Variants in GDNF observed in about 807,000 individuals in gnomAD.
The protein encoded by GDNF is glial cell derived neurotrophic factor.
GDNF carries 5 observed loss-of-function variants against 13.7 expected under a neutral mutation model. The observed-to-expected ratio is 0.36, with a 90% CI of 0.19 to 0.77. The LOEUF is 0.77. Among genes scored for constraint, GDNF ranks in the 30% least tolerant of loss-of-function variants. The pLI, the probability that GDNF is intolerant of heterozygous loss-of-function variation, is 0.51. For missense variants in GDNF, 246 were observed against 274.3 expected (o/e 0.90, Z 0.73); for synonymous variants, 122 against 112.5 (o/e 1.08, Z -0.53).
At chr5:37,825,967 T>A (rs1199707614) in intron 2 of GDNF, among the ~76,000 whole-genome samples, 1 of 152,220 alleles carries the variant, frequency 6.6e-6, no homozygotes. Context: ...ACGGTTATCA[T>A]TCTAAAACAA....
rs142927834 is a variant in GDNF at position 37,832,680 on chromosome 5, G to A, written c.151+1966C>T. ...TTGTCCCTGCAATCTGTGTTAACTC[G>A]CTTGCTTTGTGACTACTTGTACCTT... is the stretch of plus-strand genomic sequence containing the variant. On this transcript the variant is annotated intron_variant, in intron 2 of 2. Transcript: ENST00000326524. Among the ~76,000 whole-genome samples, 261 of 152,228 alleles carry A rather than the reference G, an allele frequency of 1.7e-3. 1 individual carries two copies. Among genetic ancestry groups the A allele is most frequent in the African/African-American group, 6.0e-3 (249 of 41,546 alleles).
rs75624956 is a variant in GDNF at position 37,837,994 on chromosome 5, GT to G, written c.-27+1512del. Among the ~76,000 whole-genome samples the G allele has an allele frequency of 0.11, 13,704 of 125,384 alleles. 687 individuals carry two copies. Among genetic ancestry groups the G allele is most frequent in the African/African-American group, 0.15 (5,030 of 33,564 alleles). 82.3% of individuals were successfully genotyped at this position (125,384 alleles called of 152,430 possible). Reference sequence around the variant, plus strand: ...GGGAGACGGGTTTGCTATAAACTCGGTTTTTTTTTTTTTTTTTTTGGCGGGG... The same window carrying G: ...GGGAGACGGGTTTGCTATAAACTCGGTTTTTTTTTTTTTTTTTTGGCGGGG... On this transcript the variant is annotated intron_variant, in intron 1 of 2. Coordinates refer to ENST00000326524, the MANE Select transcript of GDNF (RefSeq NM_000514.4). The surrounding 1 kb of genome is among the most constrained non-coding windows in gnomAD (Gnocchi z 6.5).
rs1236679824 is a variant in GDNF, at chr5:37,837,441, G to A, written c.-27+2066C>T. 6.6e-6 allele frequency among the ~76,000 whole-genome samples: 1 copy of A among 152,046 alleles called. No individual in the cohort carries two copies. The highest frequency in any genetic ancestry group is 1.5e-5 in the Non-Finnish European group (1 of 67,992). ...ACGTCCCGGCAGGGCAAAAGCAGCA[G>A]GCCGTGGGCGCCGGCACCTGTGGGT... On this transcript the variant is annotated intron_variant, in intron 1 of 2. Coordinates refer to ENST00000326524, the MANE Select transcript of GDNF (RefSeq NM_000514.4). This position sits in a 1 kb window ranked among gnomAD's most constrained non-coding sequence, Gnocchi z 6.5.
chr5:37,833,128 T>A (rs1160634899), intron 2 of GDNF, among the ~76,000 whole-genome samples: 1 of 152,214 alleles, frequency 6.6e-6, no homozygotes, highest in Non-Finnish European at 1.5e-5. Context: ...TAAACCTCCA[T>A]GAATTAATCA....
intron 2 of GDNF, among the ~76,000 whole-genome samples, chr5:37,826,767 T>G (rs968568591): frequency 6.6e-6 from 1 of 152,238 alleles, no homozygotes; most frequent in Admixed American, 6.5e-5. Flanking sequence ...ATGTCTGGTC[T>G]GCCTGCGGAT....
intron 1 of GDNF, 53 bp from the exon 2 acceptor site, chr5:37,834,875 C>T: frequency 1.3e-6 from 2 of 1,531,298 alleles, no homozygotes; most frequent in Non-Finnish European, 1.8e-6. Context: ...CACGTTAAGC[C>T]TGGGCTCCCT....
rs1227847410 is a variant in GDNF, at chr5:37,813,454, A to G, written c.*2197T>C. ...TATGAAATGCGTAACAAGCTGTAAT[A>G]CAGGGCCTAGTGTGTCATACATGTG... is the stretch of plus-strand genomic sequence containing the variant. On this transcript the variant is annotated 3_prime_UTR_variant, in exon 3 of 3. Coordinates refer to ENST00000326524, the MANE Select transcript of GDNF (RefSeq NM_000514.4). 6.6e-6 allele frequency: 1 copy of G among 152,058 alleles called. No individual in the cohort carries two copies. Among genetic ancestry groups the G allele is most frequent in the African/African-American group, 2.4e-5 (1 of 41,382 alleles). The allele number at this position is 152,058 out of a possible 1,614,324, so 9.4% of individuals were successfully genotyped here.
chr5:37,823,549 A>C (rs941332777), intron 2 of GDNF, among the ~76,000 whole-genome samples: 17 of 152,208 alleles, frequency 1.1e-4, no homozygotes, highest in Non-Finnish European at 2.4e-4. Context: ...TATCACGCTA[A>C]GACAGCTCTG....
rs747949515 is a variant in GDNF, at chr5:37,829,630, TGCTATGGTCCATGAGTG to T, written c.151+4999_151+5015del. ...AACAAGTATTTTAATCAAATGAAGGTGCTATGGTCCATGAGTGTTAAATAAACAAAGATCAAAGAGAT... is the reference window on the plus strand; with the variant it reads ...AACAAGTATTTTAATCAAATGAAGGTTTAAATAAACAAAGATCAAAGAGAT... On this transcript the variant is annotated intron_variant, in intron 2 of 2. Transcript: ENST00000326524. Among the ~76,000 whole-genome samples, 313 of 152,320 alleles carry T rather than the reference TGCTATGGTCCATGAGTG, an allele frequency of 2.1e-3. 1 individual carries two copies. The highest frequency in any genetic ancestry group is 3.2e-3 in the Non-Finnish European group (220 of 68,032).
chr5:37,818,373 T>C (rs1750006351), intron 2 of GDNF, among the ~76,000 whole-genome samples: 1 of 152,202 alleles, frequency 6.6e-6, no homozygotes, highest in Admixed American at 6.5e-5. Flanking sequence ...CCTGATTGTT[T>C]TATAAAGTGC....
rs765915825 is a variant in GDNF at position 37,815,647 on chromosome 5, G to A, written c.*4C>T. The stretch of plus-strand genomic sequence containing the variant: ...GCAATACACAGCAGTCTCTGGAGCC[G>A]GAGTCAGATACATCCACACCTTTTA... On this transcript the variant is annotated 3_prime_UTR_variant, in exon 3 of 3. Transcript: ENST00000326524. The surrounding 1 kb of genome is among the most constrained non-coding windows in gnomAD (Gnocchi z 5.0). The A allele has an allele frequency of 6.8e-6, 11 of 1,612,952 alleles. No homozygotes were observed. Among genetic ancestry groups the A allele is most frequent in the African/African-American group, 2.7e-5 (2 of 74,878 alleles).
In GDNF at chr5:37,834,858, C is replaced by T. The variant is rs575046003; in HGVS notation, c.-26-36G>A. 29 of 1,595,040 alleles carry T rather than the reference C, an allele frequency of 1.8e-5. No individual in the cohort carries two copies. The South Asian group carries it at 3.1e-4, about 17-fold the overall frequency. On this transcript the variant is annotated intron_variant, in intron 1 of 2. Coordinates refer to ENST00000326524, the MANE Select transcript of GDNF (RefSeq NM_000514.4). Reference sequence around the variant, plus strand: ...AGGCGGGAGGTGGGGGAGAGAACCGCAGAATGCACGTTAAGCCTGGGCTCC... The same window carrying T: ...AGGCGGGAGGTGGGGGAGAGAACCGTAGAATGCACGTTAAGCCTGGGCTCC...
Position 37,814,328 on chromosome 5 carries a change from A to G in GDNF, c.*1323T>C, listed in dbSNP as rs979731563. 2.0e-5 allele frequency: 3 copies of G among 152,338 alleles called. No homozygotes were observed. The highest frequency in any genetic ancestry group is 7.2e-5 in the African/African-American group (3 of 41,460). 9.4% of individuals were successfully genotyped at this position (152,338 alleles called of 1,614,324 possible). On this transcript the variant is annotated 3_prime_UTR_variant, in exon 3 of 3. Transcript: ENST00000326524. ...GACAACAGGAAGTGGAGCCCACGAC[A>G]TTTCTGTTCAGCAATGGAGCAAGGA...
Position 37,837,143 on chromosome 5 carries a change from C to A in GDNF, c.-26-2321G>T, listed in dbSNP as rs1319054898. On this transcript the variant is annotated intron_variant, in intron 1 of 2. Transcript: ENST00000326524. The surrounding 1 kb of genome is among the most constrained non-coding windows in gnomAD (Gnocchi z 6.5). The stretch of plus-strand genomic sequence containing the variant: ...AGGTTGGGGGACTCGGCACACACAG[C>A]GTCTACTAGGACGTTTTTCTTAGAG... Among the ~76,000 whole-genome samples, 1 of 152,210 alleles carries A rather than the reference C, an allele frequency of 6.6e-6. No individual in the cohort carries two copies. Among genetic ancestry groups the A allele is most frequent in the Admixed American group, 6.5e-5 (1 of 15,290 alleles).
intron 2 of GDNF, among the ~76,000 whole-genome samples, chr5:37,818,357 A>T (rs1207677179): frequency 6.6e-6 from 1 of 152,200 alleles, no homozygotes; most frequent in Non-Finnish European, 1.5e-5. Context: ...AATAAGTCTC[A>T]TGAGACCTGA....
intron 2 of GDNF, among the ~76,000 whole-genome samples, chr5:37,832,343 C>T (rs1013271776): frequency 3.3e-5 from 5 of 152,198 alleles, no homozygotes; most frequent in African/African-American, 1.2e-4. Flanking sequence ...GTGACAGAGG[C>T]GTGTTGACAC....
At position 37,833,027 on chromosome 5, in the gene GDNF, G is replaced by A. The variant is rs185499066; in HGVS notation, c.151+1619C>T. Among the ~76,000 whole-genome samples the A allele has an allele frequency of 1.3e-3, 191 of 152,326 alleles. 1 individual carries two copies. The highest frequency in any genetic ancestry group is 1.6e-3 in the Non-Finnish European group (109 of 68,034). ...AGTTCATTGAGCTCTAAAGTAACTT[G>A]CCTGAAAGTCACAGAGTTAGTTGAA... On this transcript the variant is annotated intron_variant, in intron 2 of 2. Coordinates refer to ENST00000326524, the MANE Select transcript of GDNF (RefSeq NM_000514.4).
Position 37,816,102 on chromosome 5 carries a change from T to C in GDNF, c.185A>G (p.Asp62Gly). ...GGCTTGAATAAAATCCATGACATCATCGAACTGATCAGGATAATCCTCTGG... is the reference window on the plus strand; with the variant it reads ...GGCTTGAATAAAATCCATGACATCACCGAACTGATCAGGATAATCCTCTGG... ...NMPEDYPDQF[D>G]DVMDFIQATI... The change falls in exon 3 of 3, where the codon GAT becomes GGT. Residue 62 changes from aspartate (D) to glycine (G), a missense_variant. Transcript: ENST00000326524. 2 of 1,613,480 alleles carry C rather than the reference T, an allele frequency of 1.2e-6. No homozygotes were observed. Among genetic ancestry groups the C allele is most frequent in the Non-Finnish European group, 1.7e-6 (2 of 1,179,416 alleles).
intron 2 of GDNF, among the ~76,000 whole-genome samples, chr5:37,817,014 G>T (rs1443839648): frequency 6.6e-6 from 1 of 152,196 alleles, no homozygotes; most frequent in Non-Finnish European, 1.5e-5. Context: ...AATGAAATGA[G>T]ATGCTGTTCG....
Sources: gnomAD v4.1 joint callset for allele counts (sites outside exome capture counted in the v4.1 genomes callset) on GRCh38, gnomAD v4.1.1 for gene constraint, Gnocchi (gnomAD v3.1) non-coding constraint, MANE v1.5 for transcripts, NCBI Gene and HGNC (gene_info 2026-07-23, HGNC 2026-07-21) for gene names.